Variants in PITPNC1 observed in about 807,000 individuals in gnomAD.
The protein encoded by PITPNC1 is phosphatidylinositol transfer protein cytoplasmic 1.
PITPNC1 carries 18 observed loss-of-function variants against 44.7 expected under a neutral mutation model. The ratio of observed to expected loss-of-function variants is 0.40; its 90% CI spans 0.28 to 0.60. The LOEUF (loss-of-function observed/expected upper bound fraction) is 0.60, where lower values mean the gene tolerates loss of function less well. Among genes scored for constraint, PITPNC1 ranks in the 20% least tolerant of loss-of-function variants. The probability of loss-of-function intolerance (pLI) is 0.39; values close to 1 mark genes in which losing one functional copy is unlikely to be tolerated. For missense variants in PITPNC1, 290 were observed against 418.4 expected, an observed-to-expected ratio of 0.69 and a Z score of 2.68; for synonymous variants, 141 against 149.6, an observed-to-expected ratio of 0.94 and a Z score of 0.42.
intron 1 of PITPNC1, among the ~76,000 whole-genome samples, chr17:67,412,286 A>G (rs1033964813): frequency 6.6e-6 from 1 of 152,072 alleles, no homozygotes; most frequent in Non-Finnish European, 1.5e-5. Flanking sequence ...GGATGGGGTA[A>G]TTTATCTAGG....
intron 1 of PITPNC1, among the ~76,000 whole-genome samples, chr17:67,477,007 C>G (rs550264129): frequency 6.6e-6 from 1 of 152,246 alleles, no homozygotes; most frequent in African/African-American, 2.4e-5. Context: ...CTGTGCATGG[C>G]GAAGTTTGGA....
At chr17:67,557,349 T>G (rs182017278) in intron 4 of PITPNC1, among the ~76,000 whole-genome samples, 158 of 152,144 alleles carry the variant, frequency 1.0e-3, no homozygotes, top group African/African-American at 3.7e-3. Context: ...ACATAGGAAT[T>G]TGGGGGAGAC....
At chr17:67,569,420 C>T (rs1239348363) in intron 4 of PITPNC1, among the ~76,000 whole-genome samples, 1 of 152,212 alleles carries the variant, frequency 6.6e-6, no homozygotes, top group East Asian at 1.9e-4. Flanking sequence ...ACTTGTCTTT[C>T]CTGGCGTTCT....
At chr17:67,553,434 CA>C in intron 3 of PITPNC1, 175 bp from the exon 4 acceptor site, 1 of 408,342 alleles carries the variant, frequency 2.4e-6, no homozygotes, top group Non-Finnish European at 4.4e-6. Flanking sequence ...GAAAGAATTT[CA>C]GTGCAACACG....
chr17:67,569,443 C>T (rs9903105), intron 4 of PITPNC1, among the ~76,000 whole-genome samples: 3,796 of 152,316 alleles, frequency 0.025, 141 homozygotes, highest in African/African-American at 0.085. Flanking sequence ...TTCCCCACTG[C>T]AGATCCACCC....
chr17:67,536,158 GACA>G (rs1471927195), intron 2 of PITPNC1, among the ~76,000 whole-genome samples: 7 of 152,102 alleles, frequency 4.6e-5, no homozygotes, highest in African/African-American at 1.2e-4. Flanking sequence ...GTAATAATAA[GACA>G]ACAATCAATA....
intron 1 of PITPNC1, among the ~76,000 whole-genome samples, chr17:67,425,963 A>G (rs567967407): frequency 6.6e-6 from 1 of 152,328 alleles, no homozygotes; most frequent in South Asian, 2.1e-4. Flanking sequence ...AGTGAGTGTG[A>G]CTGTGTTTCA....
At chr17:67,582,206 G>T (rs1249657312) in intron 5 of PITPNC1, among the ~76,000 whole-genome samples, 1 of 152,196 alleles carries the variant, frequency 6.6e-6, no homozygotes, top group Non-Finnish European at 1.5e-5. Context: ...CAAGGAGTGT[G>T]CTGGTGTGCT....
chr17:67,588,776 T>C (rs2041354619), intron 5 of PITPNC1, among the ~76,000 whole-genome samples: 1 of 152,182 alleles, frequency 6.6e-6, no homozygotes, highest in African/African-American at 2.4e-5. Flanking sequence ...TAAAATTAAT[T>C]TGTAAAGCAG....
chr17:67,586,270 T>C (rs776806631), intron 5 of PITPNC1, among the ~76,000 whole-genome samples: 6 of 152,008 alleles, frequency 3.9e-5, no homozygotes, highest in African/African-American at 9.7e-5. Context: ...TTTTTAAAAT[T>C]TTTTATTTGG....
intron 1 of PITPNC1, among the ~76,000 whole-genome samples, chr17:67,511,055 A>G (rs1221963760): frequency 6.6e-6 from 1 of 152,164 alleles, no homozygotes; most frequent in Non-Finnish European, 1.5e-5. Context: ...TTCTATTCAT[A>G]TATGAGTACA....
At chr17:67,587,247 G>T (rs760356733) in intron 5 of PITPNC1, among the ~76,000 whole-genome samples, 1 of 151,970 alleles carries the variant, frequency 6.6e-6, no homozygotes, top group African/African-American at 2.4e-5. Context: ...AGTGCTCTGG[G>T]AGGTCAAAGC....
intron 5 of PITPNC1, among the ~76,000 whole-genome samples, chr17:67,615,431 A>AG (rs1015527949): frequency 3.9e-5 from 6 of 152,148 alleles, no homozygotes; most frequent in African/African-American, 1.4e-4. Context: ...CTCAGAGAGC[A>AG]GGGCTGCCGG....
intron 1 of PITPNC1, among the ~76,000 whole-genome samples, chr17:67,460,517 G>A (rs1450003677): frequency 1.3e-5 from 2 of 151,232 alleles, no homozygotes; most frequent in Non-Finnish European, 1.5e-5. Context: ...TCTGTCTCTC[G>A]GGCTCAAGCA....
At chr17:67,512,551 A>G (rs1032509633) in intron 1 of PITPNC1, among the ~76,000 whole-genome samples, 1 of 151,520 alleles carries the variant, frequency 6.6e-6, no homozygotes, top group African/African-American at 2.4e-5. Flanking sequence ...GGAAGATCAG[A>G]ACTGTTAGGC....
chr17:67,401,573 C>T (rs188322401), intron 1 of PITPNC1, among the ~76,000 whole-genome samples: 13 of 152,170 alleles, frequency 8.5e-5, no homozygotes, highest in Non-Finnish European at 1.8e-4. Context: ...TGGCTGGGTG[C>T]GGTGGCTCAT....
At chr17:67,668,158 G>A (rs1441445751) in intron 6 of PITPNC1, among the ~76,000 whole-genome samples, 1 of 152,082 alleles carries the variant, frequency 6.6e-6, no homozygotes, top group African/African-American at 2.4e-5. Flanking sequence ...CCCCCAAAGA[G>A]ATTACTGCTC....
At chr17:67,649,380 C>CG (rs1158040314) in intron 6 of PITPNC1, among the ~76,000 whole-genome samples, 1 of 152,188 alleles carries the variant, frequency 6.6e-6, no homozygotes, top group Admixed American at 6.5e-5. Flanking sequence ...GGGAATAGCA[C>CG]GGGGGCATCC....
intron 6 of PITPNC1, among the ~76,000 whole-genome samples, chr17:67,644,993 AAATGGCC>A (rs1294668503): frequency 6.6e-6 from 1 of 152,160 alleles, no homozygotes; most frequent in Admixed American, 6.5e-5. Flanking sequence ...AGGTTTGGGA[AAATGGCC>A]TCAGAGCAGA....
Sources: gnomAD v4.1 joint callset for allele counts (sites outside exome capture counted in the v4.1 genomes callset) on GRCh38, gnomAD v4.1.1 for gene constraint, MANE v1.5 for transcripts, NCBI Gene and HGNC (gene_info 2026-07-23, HGNC 2026-07-21) for gene names.